The following PLEKHA5 variants were observed in gnomAD, a reference collection of about 807,000 sequenced individuals.
PLEKHA5 encodes the protein pleckstrin homology domain containing A5, also known as pleckstrin homology domain-containing family A member 5.
A neutral mutation model predicts 181.9 loss-of-function variants in PLEKHA5; 55 were observed. That is an observed-to-expected ratio of 0.30 (90% confidence interval 0.24 to 0.38). PLEKHA5 has a LOEUF of 0.38. Among genes scored for constraint, PLEKHA5 ranks in the 10% least tolerant of loss-of-function variants. The probability of loss-of-function intolerance (pLI) is 1.00; values close to 1 mark genes in which losing one functional copy is unlikely to be tolerated. For missense variants in PLEKHA5, 1,432 were observed against 1,549.5 expected, an observed-to-expected ratio of 0.92 and a Z score of 1.27; for synonymous variants, 535 against 529.4, an observed-to-expected ratio of 1.01 and a Z score of -0.15.
intron 25 of PLEKHA5, among the ~76,000 whole-genome samples, chr12:19,352,871 T>G (rs2094682835): frequency 1.3e-5 from 2 of 151,788 alleles, no homozygotes; most frequent in South Asian, 2.1e-4. Context: ...CTCAACTCAC[T>G]GTAACCTCTG....
intron 3 of PLEKHA5, chr12:19,152,687 A>T (rs1425242684): frequency 6.6e-6 from 1 of 152,228 alleles, no homozygotes; most frequent in Non-Finnish European, 1.5e-5. Flanking sequence ...CCAAATGAAT[A>T]TAACATTTGT....
intron 3 of PLEKHA5, among the ~76,000 whole-genome samples, chr12:19,250,002 CA>C (rs2064831002): frequency 6.6e-6 from 1 of 152,180 alleles, no homozygotes; most frequent in Non-Finnish European, 1.5e-5. Context: ...CTCTGCTCTG[CA>C]TTATAAACTG....
chr12:19,234,820 T>C (rs1373423282), intron 3 of PLEKHA5, among the ~76,000 whole-genome samples: 1 of 152,220 alleles, frequency 6.6e-6, no homozygotes, highest in Non-Finnish European at 1.5e-5. Context: ...TATTATATAA[T>C]AGAAGATCAA....
chr12:19,353,347 G>C (rs1294018427), intron 25 of PLEKHA5, among the ~76,000 whole-genome samples: 3 of 151,782 alleles, frequency 2.0e-5, no homozygotes, highest in Admixed American at 2.0e-4. Context: ...AGTAGAGATA[G>C]GGTTTCACCA....
intron 7 of PLEKHA5, among the ~76,000 whole-genome samples, chr12:19,261,468 T>A (rs1380374280): frequency 6.6e-6 from 1 of 152,204 alleles, no homozygotes; most frequent in Non-Finnish European, 1.5e-5. Flanking sequence ...TTTGAACTTT[T>A]TTTTTGACCA....
At chr12:19,259,894 C>A (rs568681566) in intron 6 of PLEKHA5, among the ~76,000 whole-genome samples, 18 of 149,618 alleles carry the variant, frequency 1.2e-4, no homozygotes, top group African/African-American at 4.4e-4. Context: ...ATTCTGAAGT[C>A]ATTACTCACA....
chr12:19,345,399 CA>C (rs905806814), intron 22 of PLEKHA5, among the ~76,000 whole-genome samples: 12 of 107,368 alleles, frequency 1.1e-4, no homozygotes, highest in African/African-American at 4.2e-4. Flanking sequence ...AACTCTGTCT[CA>C]AAAAAAAATA....
Position 19,322,556 on chromosome 12 carries a change from G to A in PLEKHA5, c.2337G>A (p.Glu779=), listed in dbSNP as rs1177000225. 3 of 1,614,000 alleles carry A rather than the reference G, an allele frequency of 1.9e-6. No individual in the cohort carries two copies. The highest frequency in any genetic ancestry group is 2.2e-5 in the South Asian group (2 of 91,078). Residue 779 remains glutamate, a synonymous_variant, in exon 20 of 32, where the codon GAG becomes GAA. Transcript: ENST00000429027. ...LEQALLSASQ[E]IEMHADNPAA... Reference sequence around the variant, plus strand: ...AAGCTTTGCTATCAGCCAGCCAAGAGATAGAAATGCATGCAGATAACCCAG... The same window carrying A: ...AAGCTTTGCTATCAGCCAGCCAAGAAATAGAAATGCATGCAGATAACCCAG...
chr12:19,350,385 A>G (rs2094534101), intron 25 of PLEKHA5, among the ~76,000 whole-genome samples: 1 of 152,228 alleles, frequency 6.6e-6, no homozygotes, highest in Admixed American at 6.5e-5. Context: ...GACAAAATGT[A>G]AAACTTTTTA....
chr12:19,313,598 A>G (rs2087399037), intron 15 of PLEKHA5, among the ~76,000 whole-genome samples: 1 of 152,002 alleles, frequency 6.6e-6, no homozygotes, highest in African/African-American at 2.4e-5. Context: ...TCTTCAGTGA[A>G]GTTTTTTTTT....
At chr12:19,214,834 T>C (rs1412971831) in intron 3 of PLEKHA5, among the ~76,000 whole-genome samples, 1 of 151,834 alleles carries the variant, frequency 6.6e-6, no homozygotes, top group Non-Finnish European at 1.5e-5. Flanking sequence ...TCAATCTGCA[T>C]GGGTAGATGC....
At chr12:19,335,582 A>ATTTT (rs34158055) in intron 20 of PLEKHA5, among the ~76,000 whole-genome samples, 3 of 107,998 alleles carry the variant, frequency 2.8e-5, no homozygotes, top group Admixed American at 1.0e-4. Flanking sequence ...CGCCTGGCTA[A>ATTTT]TTTTTTTTTT....
chr12:19,355,392 C>T (rs984004398), intron 26 of PLEKHA5, among the ~76,000 whole-genome samples: 2 of 133,336 alleles, frequency 1.5e-5, no homozygotes, highest in Non-Finnish European at 3.1e-5. Flanking sequence ...CACTCTATTG[C>T]CTGGGCTGAA....
chr12:19,341,593 T>A (rs1169828758), intron 21 of PLEKHA5, among the ~76,000 whole-genome samples: 1 of 152,128 alleles, frequency 6.6e-6, no homozygotes, highest in African/African-American at 2.4e-5. Flanking sequence ...GAAAACTAGA[T>A]AACTTAGGTT....
intron 26 of PLEKHA5, among the ~76,000 whole-genome samples, chr12:19,357,746 C>T (rs1201481873): frequency 6.6e-6 from 1 of 152,092 alleles, no homozygotes; most frequent in Non-Finnish European, 1.5e-5. Context: ...AACCATCCTC[C>T]TACCTCAGCC....
In PLEKHA5 at chr12:19,338,233, T is replaced by C. The variant is rs139385549; in HGVS notation, c.2550+1617T>C. Among the ~76,000 whole-genome samples, 984 of 152,186 alleles carry C rather than the reference T, an allele frequency of 6.5e-3. 8 individuals carry two copies. The highest frequency in any genetic ancestry group is 0.022 in the African/African-American group (932 of 41,544). ...TTACTTGTTTATTGAATCAGGGTTT[T>C]GTTCTGTCACCCAGGCTGGAGTGCA... On this transcript the variant is annotated intron_variant, in intron 21 of 31. Transcript: ENST00000429027.
intron 3 of PLEKHA5, among the ~76,000 whole-genome samples, chr12:19,221,050 T>C (rs1240323450): frequency 6.6e-6 from 1 of 152,176 alleles, no homozygotes; most frequent in Non-Finnish European, 1.5e-5. Context: ...CTCTTATTCA[T>C]TGTGGTTGGA....
At chr12:19,218,960 T>C (rs2058495990) in intron 3 of PLEKHA5, among the ~76,000 whole-genome samples, 1 of 150,694 alleles carries the variant, frequency 6.6e-6, no homozygotes, top group Non-Finnish European at 1.5e-5. Context: ...TTTTTTATTA[T>C]ACTCTAAGTT....
At chr12:19,194,216 A>G (rs1159693652) in intron 3 of PLEKHA5, among the ~76,000 whole-genome samples, 1 of 152,156 alleles carries the variant, frequency 6.6e-6, no homozygotes, top group Non-Finnish European at 1.5e-5. Flanking sequence ...CCTGTGTCTG[A>G]GTTGTTTCAC....
Sources: gnomAD v4.1 joint callset for allele counts (sites outside exome capture counted in the v4.1 genomes callset) on GRCh38, gnomAD v4.1.1 for gene constraint, MANE v1.5 for transcripts, NCBI Gene and HGNC (gene_info 2026-07-23, HGNC 2026-07-21) for gene names.